RNF144A: variants seen among roughly 807,000 people sequenced by gnomAD.
RNF144A encodes the protein ring finger protein 144A.
Under a neutral mutation model 38.7 loss-of-function variants are expected in RNF144A, and 11 were observed. The ratio of observed to expected loss-of-function variants is 0.28; its 90% CI spans 0.18 to 0.47. The LOEUF is 0.47. Ranked by LOEUF, RNF144A falls within the 20% of genes least tolerant of loss-of-function variation. The pLI, the probability that RNF144A is intolerant of heterozygous loss-of-function variation, is 0.99. For missense variants in RNF144A, 316 were observed against 377.2 expected, an observed-to-expected ratio of 0.84 and a Z score of 1.34; for synonymous variants, 149 against 143.9, an observed-to-expected ratio of 1.04 and a Z score of -0.25.
At chr2:6,987,376 G>A (rs1264446659) in intron 2 of RNF144A, among the ~76,000 whole-genome samples, 1 of 152,146 alleles carries the variant, frequency 6.6e-6, no homozygotes, top group East Asian at 1.9e-4. Flanking sequence ...GTGTGTGTGT[G>A]TGTGTCTCCC....
In RNF144A at chr2:6,957,258, C is replaced by T. The variant is rs80057628; in HGVS notation, c.-12+16111C>T. On this transcript the variant is annotated intron_variant, in intron 2 of 8. Transcript: ENST00000320892. ...TCTGTCCTGCATGTAGGGCTTTACC[C>T]GCTACATGTGGGCTCTGAGCTCAGC... 1.3e-3 allele frequency among the ~76,000 whole-genome samples: 196 copies of T among 152,322 alleles called. 3 individuals are homozygous for T. In the East Asian group the frequency reaches 0.03, roughly 23 times the overall value.
chr2:6,992,209 T>C (rs1317008034), intron 2 of RNF144A, among the ~76,000 whole-genome samples: 1 of 152,242 alleles, frequency 6.6e-6, no homozygotes, highest in African/African-American at 2.4e-5. Flanking sequence ...TGGGCTTCAT[T>C]GTGCATCACA....
intron 1 of RNF144A, among the ~76,000 whole-genome samples, chr2:6,923,743 C>T (rs1307457930): frequency 6.6e-6 from 1 of 152,038 alleles, no homozygotes; most frequent in Non-Finnish European, 1.5e-5. Flanking sequence ...CCTGCGTTCT[C>T]TCTCGTCTTC....
intron 8 of RNF144A, among the ~76,000 whole-genome samples, chr2:7,035,474 G>A (rs759973882): frequency 5.3e-5 from 8 of 152,104 alleles, no homozygotes; most frequent in East Asian, 3.8e-4. Context: ...TTGCTTTCCC[G>A]TCCTACAAAT....
intron 2 of RNF144A, among the ~76,000 whole-genome samples, chr2:6,965,417 A>G (rs1667604920): frequency 6.6e-6 from 1 of 152,222 alleles, no homozygotes; most frequent in Non-Finnish European, 1.5e-5. Flanking sequence ...CCTCCCGTGT[A>G]CGGAGAGCAA....
chr2:6,981,336 T>A (rs969916003), intron 2 of RNF144A, among the ~76,000 whole-genome samples: 1 of 151,268 alleles, frequency 6.6e-6, no homozygotes, highest in African/African-American at 2.4e-5. Context: ...TATCTCTGCT[T>A]TTTTTTTTAA....
chr2:6,974,310 G>T (rs766971767), intron 2 of RNF144A, among the ~76,000 whole-genome samples: 61 of 152,176 alleles, frequency 4.0e-4, no homozygotes, highest in Non-Finnish European at 8.1e-4. Flanking sequence ...ACAGCATTGT[G>T]GTTCAGAGCA....
chr2:6,969,813 G>C (rs1667885221), intron 2 of RNF144A, among the ~76,000 whole-genome samples: 1 of 152,180 alleles, frequency 6.6e-6, no homozygotes, highest in Non-Finnish European at 1.5e-5. Flanking sequence ...CTAGGCTGGA[G>C]TGCAGTGGCA....
intron 3 of RNF144A, among the ~76,000 whole-genome samples, chr2:7,001,419 G>A (rs1375038700): frequency 1.3e-5 from 2 of 152,202 alleles, no homozygotes; most frequent in East Asian, 1.9e-4. Context: ...TCTCCTGCCT[G>A]TAATCCCAGC....
chr2:6,997,300 G>A (rs1558417710), intron 3 of RNF144A, among the ~76,000 whole-genome samples: 1 of 152,182 alleles, frequency 6.6e-6, no homozygotes, highest in Admixed American at 6.5e-5. Flanking sequence ...CAGAATTTTA[G>A]AAGCTCGTGA....
chr2:7,053,797 G>C (rs1439789872), intron 6 of RNF144A, among the ~76,000 whole-genome samples: 1 of 152,222 alleles, frequency 6.6e-6, no homozygotes, highest in African/African-American at 2.4e-5. Context: ...TGGTGCACAG[G>C]TGCACACCTC....
intron 7 of RNF144A, among the ~76,000 whole-genome samples, chr2:7,025,014 C>T (rs1232115158): frequency 5.3e-5 from 8 of 152,126 alleles, no homozygotes; most frequent in Non-Finnish European, 8.8e-5. Context: ...GGCTGTTGGG[C>T]TTGGGGCCAG....
chr2:6,946,450 A>T lies in RNF144A; in HGVS notation c.-12+5303A>T, dbSNP rs567289676. On this transcript the variant is annotated intron_variant, in intron 2 of 8. Transcript: ENST00000320892. Reference sequence around the variant, plus strand: ...TGAGTTGTGTTTCATAATTTATCTCAGTGCTTTAAAAATTATTTTTCCTTT... The same window carrying T: ...TGAGTTGTGTTTCATAATTTATCTCTGTGCTTTAAAAATTATTTTTCCTTT... 3.3e-5 allele frequency among the ~76,000 whole-genome samples: 5 copies of T among 152,196 alleles called. No homozygotes were observed. In the East Asian group the frequency reaches 9.6e-4, roughly 29 times the overall value.
Position 6,941,998 on chromosome 2 carries a change from A to C in RNF144A, c.-12+851A>C, listed in dbSNP as rs954715737. The stretch of plus-strand genomic sequence containing the variant: ...TGATGGGATATCAGTGTAGGGTTTT[A>C]AGCAGAGAAGCAGGGTCTATTTCAT... On this transcript the variant is annotated intron_variant, in intron 2 of 8. Coordinates refer to ENST00000320892, the MANE Select transcript of RNF144A (RefSeq NM_014746.6). The surrounding 1 kb of genome is among the most constrained non-coding windows in gnomAD (Gnocchi z 6.5). 2.0e-5 allele frequency among the ~76,000 whole-genome samples: 3 copies of C among 152,246 alleles called. No individual in the cohort carries two copies. Among genetic ancestry groups the C allele is most frequent in the African/African-American group, 7.2e-5 (3 of 41,468 alleles).
chr2:6,970,928 C>T (rs1416626420), intron 2 of RNF144A, among the ~76,000 whole-genome samples: 1 of 152,214 alleles, frequency 6.6e-6, no homozygotes, highest in Non-Finnish European at 1.5e-5. Context: ...ATTTAGTGCA[C>T]AAAGTCATGT....
chr2:6,922,707 C>A (rs1664615957), intron 1 of RNF144A, among the ~76,000 whole-genome samples: 1 of 151,402 alleles, frequency 6.6e-6, no homozygotes, highest in Non-Finnish European at 1.5e-5. Flanking sequence ...TCACTGCAAG[C>A]TCCGCCTCCT....
chr2:6,951,904 G>T (rs1479632551), intron 2 of RNF144A, among the ~76,000 whole-genome samples: 2 of 152,004 alleles, frequency 1.3e-5, no homozygotes, highest in African/African-American at 4.8e-5. Context: ...TCTCTTTCTT[G>T]TGATTGCTTT....
At chr2:7,023,917 TTGTG>T (rs1322028617) in intron 6 of RNF144A, among the ~76,000 whole-genome samples, 3 of 152,160 alleles carry the variant, frequency 2.0e-5, no homozygotes, top group Non-Finnish European at 4.4e-5. Flanking sequence ...CAGTGTGTGT[TTGTG>T]TGTGTGTATT....
At chr2:7,000,446 T>G (rs983938621) in intron 3 of RNF144A, among the ~76,000 whole-genome samples, 4 of 152,194 alleles carry the variant, frequency 2.6e-5, no homozygotes, top group African/African-American at 9.7e-5. Flanking sequence ...AACCTGTGTG[T>G]AGAGTGACCT....
Sources: allele counts gnomAD v4.1 joint callset (sites outside exome capture counted in the v4.1 genomes callset), GRCh38; gene constraint gnomAD v4.1.1; non-coding constraint Gnocchi (gnomAD v3.1); transcripts MANE v1.5; gene names NCBI Gene and HGNC (gene_info 2026-07-23, HGNC 2026-07-21).